The following LRBA variants were observed in gnomAD, a reference collection of about 807,000 sequenced individuals.
LRBA encodes the protein lipopolysaccharide-responsive and beige-like anchor protein.
Under a neutral mutation model 330.0 loss-of-function variants are expected in LRBA, and 176 were observed. The observed-to-expected ratio is 0.53, with a 90% CI of 0.47 to 0.60. The LOEUF is 0.60. Ranked by LOEUF, LRBA falls within the 20% of genes least tolerant of loss-of-function variation. The pLI, the probability that LRBA is intolerant of heterozygous loss-of-function variation, is 0.00. For missense variants in LRBA, 3,259 were observed against 3,444.8 expected, an observed-to-expected ratio of 0.95 and a Z score of 1.35; for synonymous variants, 1,230 against 1,193.0, an observed-to-expected ratio of 1.03 and a Z score of -0.64.
Position 150,929,072 on chromosome 4 carries a change from A to AC in LRBA, c.217-8_217-7insG. On this transcript the variant is annotated splice_region_variant and splice_polypyrimidine_tract_variant and intron_variant, in intron 2 of 56. Coordinates refer to ENST00000651943, the MANE Select transcript of LRBA (RefSeq NM_001364905.1). ...CAAACTGTCCTCCTACCAACTTACA[A>AC]GGAAAAAAAAAAAACACATTAAAAG... 1 of 1,564,468 alleles carries AC rather than the reference A, an allele frequency of 6.4e-7. No homozygotes were observed. Among genetic ancestry groups the AC allele is most frequent in the Non-Finnish European group, 8.7e-7 (1 of 1,143,474 alleles).
At chr4:150,756,672 T>C (rs1225870755) in intron 35 of LRBA, among the ~76,000 whole-genome samples, 1 of 152,180 alleles carries the variant, frequency 6.6e-6, no homozygotes, top group Non-Finnish European at 1.5e-5. Context: ...AGGTCCAATA[T>C]ACATAACAAT....
At chr4:150,787,696 A>C (rs999432781) in intron 34 of LRBA, among the ~76,000 whole-genome samples, 2 of 151,790 alleles carry the variant, frequency 1.3e-5, no homozygotes, top group Admixed American at 1.3e-4. Context: ...ATTGTTGTAA[A>C]AATGTACAAT....
At chr4:150,491,787 A>C (rs1758983165) in intron 40 of LRBA, among the ~76,000 whole-genome samples, 1 of 152,112 alleles carries the variant, frequency 6.6e-6, no homozygotes, top group African/African-American at 2.4e-5. Context: ...GCTTTGATTC[A>C]AGTTTTGTTT....
At chr4:150,312,610 A>G (rs901148728) in intron 51 of LRBA, among the ~76,000 whole-genome samples, 1 of 152,194 alleles carries the variant, frequency 6.6e-6, no homozygotes, top group Non-Finnish European at 1.5e-5. Context: ...GTATCAAATC[A>G]TTCTGCAAGT....
At chr4:150,803,912 G>A (rs1742157632) in intron 33 of LRBA, among the ~76,000 whole-genome samples, 2 of 151,934 alleles carry the variant, frequency 1.3e-5, no homozygotes, top group South Asian at 4.1e-4. Flanking sequence ...ATGCTTCTGG[G>A]TATTTAACAT....
chr4:150,416,007 T>C (rs576714454), intron 46 of LRBA, among the ~76,000 whole-genome samples: 1 of 152,322 alleles, frequency 6.6e-6, no homozygotes, highest in Admixed American at 6.5e-5. Flanking sequence ...AAAATGCCAA[T>C]GTCTTGGTCT....
At chr4:150,406,400 T>C (rs970263003) in intron 47 of LRBA, among the ~76,000 whole-genome samples, 1 of 152,176 alleles carries the variant, frequency 6.6e-6, no homozygotes, top group Non-Finnish European at 1.5e-5. Context: ...ATGGCAGAGA[T>C]TGTCAGTCTA....
chr4:150,830,448 C>CA (rs1327948084), intron 29 of LRBA, among the ~76,000 whole-genome samples: 1 of 152,188 alleles, frequency 6.6e-6, no homozygotes, highest in Non-Finnish European at 1.5e-5. Flanking sequence ...TGCAGACACA[C>CA]AACCCCAGCT....
At chr4:150,304,293 A>C (rs992801759) in intron 52 of LRBA, among the ~76,000 whole-genome samples, 2 of 152,082 alleles carry the variant, frequency 1.3e-5, no homozygotes, top group African/African-American at 4.8e-5. Context: ...ATTTACATTA[A>C]ATTTTTAAAA....
intron 2 of LRBA, among the ~76,000 whole-genome samples, chr4:150,940,635 G>A (rs1323887691): frequency 6.6e-6 from 1 of 151,700 alleles, no homozygotes; most frequent in Non-Finnish European, 1.5e-5. Flanking sequence ...AACTTATTTT[G>A]TATTTGCTAT....
chr4:150,326,084 C>T lies in LRBA; in HGVS notation c.7363-186G>A, dbSNP rs1507191. On this transcript the variant is annotated intron_variant, in intron 48 of 56. Coordinates refer to ENST00000651943, the MANE Select transcript of LRBA (RefSeq NM_001364905.1). ...AGGGTGAGGTCATCATTTAGAACCGCAGAAGCTGTTCCTCTAAAACTCTGC... is the reference window on the plus strand; with the variant it reads ...AGGGTGAGGTCATCATTTAGAACCGTAGAAGCTGTTCCTCTAAAACTCTGC... Among the ~76,000 whole-genome samples, 36,991 of 152,076 alleles carry T rather than the reference C, an allele frequency of 0.24. 4,631 individuals carry two copies. Among genetic ancestry groups the T allele is most frequent in the African/African-American group, 0.3 (12,241 of 41,480 alleles).
intron 28 of LRBA, among the ~76,000 whole-genome samples, chr4:150,833,160 C>CTATGAG: frequency 6.6e-6 from 1 of 152,030 alleles, no homozygotes; most frequent in South Asian, 2.1e-4. Flanking sequence ...AGAAAGAAGA[C>CTATGAG]AAACTAGACT....
At chr4:150,872,836 T>C in intron 17 of LRBA, 81 bp from the exon 18 acceptor site, 1 of 608,422 alleles carries the variant, frequency 1.6e-6, no homozygotes, top group Non-Finnish European at 2.8e-6. Flanking sequence ...CTTTTCATAT[T>C]ATTATAAATC....
intron 37 of LRBA, among the ~76,000 whole-genome samples, chr4:150,628,823 A>AT (rs1382756149): frequency 1.3e-5 from 2 of 152,216 alleles, no homozygotes; most frequent in Non-Finnish European, 2.9e-5. Flanking sequence ...TCAAAAACTC[A>AT]TATCATGTTG....
intron 35 of LRBA, among the ~76,000 whole-genome samples, chr4:150,758,304 A>G (rs1345789216): frequency 6.6e-6 from 1 of 152,176 alleles, no homozygotes; most frequent in East Asian, 1.9e-4. Context: ...TATATTCCAA[A>G]GCTGTCTGCT....
intron 56 of LRBA, among the ~76,000 whole-genome samples, chr4:150,276,761 A>G (rs960309991): frequency 6.6e-6 from 1 of 152,250 alleles, no homozygotes; most frequent in Admixed American, 6.5e-5. Context: ...CAATCATTAA[A>G]AAGTTAGGAA....
Position 150,579,951 on chromosome 4 carries a change from G to A in LRBA, c.6330+8097C>T, listed in dbSNP as rs369070827. Reference sequence around the variant, plus strand: ...CAGTCTCCGCCCAGTAACTGCCCCCGGAGAAGCAACCACGGAGCCCCTCCC... The same window carrying A: ...CAGTCTCCGCCCAGTAACTGCCCCCAGAGAAGCAACCACGGAGCCCCTCCC... On this transcript the variant is annotated intron_variant, in intron 40 of 56. Coordinates refer to ENST00000651943, the MANE Select transcript of LRBA (RefSeq NM_001364905.1). 3.7e-4 allele frequency: 120 copies of A among 324,620 alleles called. 1 individual carries two copies. The highest frequency in any genetic ancestry group is 2.5e-3 in the African/African-American group (114 of 45,296). The allele number at this position is 324,620 out of a possible 1,614,324, so 20.1% of individuals were successfully genotyped here.
chr4:150,907,634 A>G (rs1442275556), intron 11 of LRBA, among the ~76,000 whole-genome samples: 2 of 152,140 alleles, frequency 1.3e-5, no homozygotes, highest in Non-Finnish European at 2.9e-5. Flanking sequence ...AGAGAATGTA[A>G]AAGTATTTAA....
chr4:150,553,689 T>G, intron 40 of LRBA, among the ~76,000 whole-genome samples: 1 of 151,840 alleles, frequency 6.6e-6, no homozygotes, highest in East Asian at 1.9e-4. Context: ...AGATGGGGGG[T>G]AGAAGGAGTC....
Sources: gnomAD v4.1 joint callset for allele counts (sites outside exome capture counted in the v4.1 genomes callset) on GRCh38, gnomAD v4.1.1 for gene constraint, MANE v1.5 for transcripts, NCBI Gene and HGNC (gene_info 2026-07-23, HGNC 2026-07-21) for gene names.